PPME1: variants seen among roughly 807,000 people sequenced by gnomAD.
PPME1 encodes protein phosphatase methylesterase 1.
In PPME1, 17 loss-of-function variants were observed where a neutral mutation model predicts 56.9. That is an observed-to-expected ratio of 0.30 (90% CI 0.20 to 0.45). The LOEUF is 0.45. Ranked by LOEUF, PPME1 falls within the 20% of genes least tolerant of loss-of-function variation. PPME1 has a pLI of 1.00. For missense variants in PPME1, 357 were observed against 483.2 expected (o/e 0.74, Z 2.45); for synonymous variants, 122 against 156.2 (o/e 0.78, Z 1.63).
intron 3 of PPME1, among the ~76,000 whole-genome samples, chr11:74,217,537 G>A (rs868655061): frequency 2.7e-4 from 24 of 88,326 alleles, no homozygotes; most frequent in Middle Eastern, 9.4e-3. Flanking sequence ...GCAAGACTCC[G>A]TCTCAAAAAA....
At chr11:74,229,004 A>T (rs1858999973) in intron 5 of PPME1, among the ~76,000 whole-genome samples, 1 of 152,198 alleles carries the variant, frequency 6.6e-6, no homozygotes, top group Admixed American at 6.5e-5. Flanking sequence ...TCGAACGAAT[A>T]TTAAACTATT....
At chr11:74,251,776 C>G (rs889167612) in intron 13 of PPME1, 61 bp downstream of exon 13, 1 of 1,584,240 alleles carries the variant, frequency 6.3e-7, no homozygotes, top group Admixed American at 1.7e-5. Flanking sequence ...CAAGCAGACA[C>G]TTGTAGGACT....
At chr11:74,250,047 A>C (rs1461128457) in intron 11 of PPME1, 1 of 152,238 alleles carries the variant, frequency 6.6e-6, no homozygotes, top group Non-Finnish European at 1.5e-5. Context: ...TATAGGGTAG[A>C]TTTTGAGAAT....
chr11:74,243,881 C>A (rs1859441118), intron 9 of PPME1, among the ~76,000 whole-genome samples: 1 of 151,038 alleles, frequency 6.6e-6, no homozygotes, highest in South Asian at 2.1e-4. Flanking sequence ...AGTTAATATT[C>A]ACATTGTTGT....
At chr11:74,240,789 C>G (rs997033303) in intron 9 of PPME1, among the ~76,000 whole-genome samples, 1 of 152,102 alleles carries the variant, frequency 6.6e-6, no homozygotes, top group Admixed American at 6.6e-5. Flanking sequence ...GAGACTTGCC[C>G]AAGGTAATCA....
At chr11:74,208,096 A>G (rs500435) in intron 3 of PPME1, among the ~76,000 whole-genome samples, 130,299 of 152,078 alleles carry the variant, frequency 0.86, 56,185 homozygotes, top group African/African-American at 0.96. Context: ...GGCAGATCAC[A>G]AGGTCAGGAG....
chr11:74,175,021 T>G (rs1363207658), intron 1 of PPME1, among the ~76,000 whole-genome samples: 2 of 152,224 alleles, frequency 1.3e-5, no homozygotes, highest in Non-Finnish European at 2.9e-5. Flanking sequence ...GGTTTTGAAC[T>G]TCTTTATTAA....
In PPME1 at chr11:74,253,554, A is replaced by G. The variant is rs1402006452; in HGVS notation, c.*44A>G. On this transcript the variant is annotated 3_prime_UTR_variant, in exon 14 of 14. Transcript: ENST00000328257. ...TCCTCAACATCGAGCTCTGTTGTAA[A>G]TACGTCGCACCAGAGGCCACTGTGA... The G allele has an allele frequency of 1.9e-6, 3 of 1,572,768 alleles. No homozygotes were observed. The highest frequency in any genetic ancestry group is 2.6e-6 in the Non-Finnish European group (3 of 1,142,660).
chr11:74,189,571 G>A (rs527863509), intron 1 of PPME1, among the ~76,000 whole-genome samples: 18 of 152,348 alleles, frequency 1.2e-4, no homozygotes, highest in Middle Eastern at 3.4e-3. Flanking sequence ...TTGCAGGCAT[G>A]AGCCACTGCA....
intron 3 of PPME1, among the ~76,000 whole-genome samples, chr11:74,206,752 A>G (rs555466616): frequency 6.6e-6 from 1 of 152,164 alleles, no homozygotes; most frequent in Non-Finnish European, 1.5e-5. Flanking sequence ...TTTTTTGTAG[A>G]GACAGGGTCT....
rs79314437 is a variant in PPME1, at chr11:74,241,725, A to G, written c.834+2469A>G. Among the ~76,000 whole-genome samples, 427 of 152,052 alleles carry G rather than the reference A, an allele frequency of 2.8e-3. 3 individuals are homozygous for G. The highest frequency in any genetic ancestry group is 9.0e-3 in the African/African-American group (375 of 41,490). ...ATATCTGATTGTGGTTTTGATTTTCATTTTCCTAATGACTGCTGATATTGA... is the reference window on the plus strand; with the variant it reads ...ATATCTGATTGTGGTTTTGATTTTCGTTTTCCTAATGACTGCTGATATTGA... On this transcript the variant is annotated intron_variant, in intron 9 of 13. Transcript: ENST00000328257.
intron 5 of PPME1, among the ~76,000 whole-genome samples, chr11:74,227,497 G>A (rs186986518): frequency 5.7e-4 from 87 of 152,022 alleles, no homozygotes; most frequent in African/African-American, 2.0e-3. Flanking sequence ...CTCAAAATGG[G>A]CATACTTATT....
chr11:74,247,395 A>G (rs1249689255), intron 11 of PPME1: 3 of 400,418 alleles, frequency 7.5e-6, no homozygotes, highest in Non-Finnish European at 1.3e-5. Context: ...AAAATGAGGC[A>G]ATGTGTTTAA....
At chr11:74,237,207 T>C (rs913975269) in intron 8 of PPME1, among the ~76,000 whole-genome samples, 2 of 152,030 alleles carry the variant, frequency 1.3e-5, no homozygotes, top group Non-Finnish European at 2.9e-5. Flanking sequence ...TTCAGGTGTT[T>C]TGTTTGCAAG....
intron 1 of PPME1, among the ~76,000 whole-genome samples, chr11:74,189,606 C>G (rs1043556302): frequency 9.2e-5 from 14 of 152,182 alleles, no homozygotes; most frequent in African/African-American, 3.1e-4. Context: ...GGCTTGCCTA[C>G]TGGTTTTTAA....
At chr11:74,242,893 A>C (rs1043441231) in intron 9 of PPME1, among the ~76,000 whole-genome samples, 3 of 151,394 alleles carry the variant, frequency 2.0e-5, no homozygotes, top group East Asian at 2.0e-4. Context: ...AAAAAAAAAA[A>C]AAAAAAAAAA....
chr11:74,194,848 G>A (rs933367602), intron 1 of PPME1, among the ~76,000 whole-genome samples: 4 of 152,078 alleles, frequency 2.6e-5, no homozygotes, highest in African/African-American at 9.7e-5. Context: ...CAAAATAAGA[G>A]ACTACAACAA....
chr11:74,235,243 G>C (rs997277339), intron 7 of PPME1, among the ~76,000 whole-genome samples: 2 of 152,128 alleles, frequency 1.3e-5, no homozygotes, highest in Non-Finnish European at 2.9e-5. Flanking sequence ...GTTGTACTTA[G>C]GTGGACAAAT....
chr11:74,236,307 C>T (rs1859189560), intron 8 of PPME1, among the ~76,000 whole-genome samples: 1 of 152,158 alleles, frequency 6.6e-6, no homozygotes, highest in Admixed American at 6.6e-5. Flanking sequence ...GTAACAGTCT[C>T]CTTCTAAGCC....
Sources: gnomAD v4.1 joint callset for allele counts (sites outside exome capture counted in the v4.1 genomes callset) on GRCh38, gnomAD v4.1.1 for gene constraint, MANE v1.5 for transcripts, NCBI Gene and HGNC (gene_info 2026-07-23, HGNC 2026-07-21) for gene names.